Variants in NALF1 observed in about 807,000 individuals in gnomAD.
NALF1 encodes NALCN channel auxiliary factor 1, also known as family with sequence similarity 155 member A.
In NALF1, 3 loss-of-function variants were observed where a neutral mutation model predicts 48.4. The ratio of observed to expected loss-of-function variants is 0.06; its 90% confidence interval spans 0.03 to 0.16. The LOEUF is 0.16. NALF1 is among the 10% of genes least tolerant of loss of function. NALF1 has a pLI of 1.00. For synonymous variants in NALF1, 262 were observed against 245.7 expected (o/e 1.07, Z -0.62); for missense variants, 526 against 571.5 (o/e 0.92, Z 0.81).
In NALF1 at chr13:107,615,548, C is replaced by T. The variant is rs113275338; in HGVS notation, c.915+250134G>A. On this transcript the variant is annotated intron_variant, in intron 1 of 2. Transcript: ENST00000375915. ...ATGATGGTGTGCCAAAATATTGATC[C>T]CCTTCGCCTTCAGAGCGAGGTCATA... Among the ~76,000 whole-genome samples the T allele has an allele frequency of 6.7e-3, 1,021 of 152,242 alleles. 8 individuals carry two copies. The highest frequency in any genetic ancestry group is 0.037 in the Middle Eastern group (11 of 294).
intron 1 of NALF1, among the ~76,000 whole-genome samples, chr13:107,573,200 G>C (rs1369761918): frequency 2.0e-5 from 3 of 152,156 alleles, no homozygotes; most frequent in Admixed American, 6.5e-5. Flanking sequence ...TATTAGAACA[G>C]AATTGCTTCC....
chr13:107,237,920 G>T (rs1594083973), intron 1 of NALF1, among the ~76,000 whole-genome samples: 1 of 152,138 alleles, frequency 6.6e-6, no homozygotes, highest in African/African-American at 2.4e-5. Flanking sequence ...CAGAGAGATT[G>T]GTGTTTAATA....
At chr13:107,561,410 T>C (rs910908201) in intron 1 of NALF1, among the ~76,000 whole-genome samples, 1 of 152,318 alleles carries the variant, frequency 6.6e-6, no homozygotes, top group East Asian at 1.9e-4. Context: ...GTTTTTCTTA[T>C]GTTACCTTGT....
intron 1 of NALF1, among the ~76,000 whole-genome samples, chr13:107,829,467 T>G (rs964738547): frequency 6.6e-6 from 1 of 152,110 alleles, no homozygotes; most frequent in African/African-American, 2.4e-5. Flanking sequence ...ATGAAATAAC[T>G]TTTGGATCTC....
chr13:107,373,092 T>C (rs1399149777), intron 1 of NALF1, among the ~76,000 whole-genome samples: 1 of 152,168 alleles, frequency 6.6e-6, no homozygotes, highest in Non-Finnish European at 1.5e-5. Flanking sequence ...AATCATGACA[T>C]GAGCAATTAT....
At chr13:107,220,622 G>A (rs1292362483) in intron 1 of NALF1, among the ~76,000 whole-genome samples, 1 of 152,180 alleles carries the variant, frequency 6.6e-6, no homozygotes, top group Non-Finnish European at 1.5e-5. Context: ...CAGAGGTGTA[G>A]GGCAGGTTAA....
At chr13:107,494,099 A>G (rs1338883295) in intron 1 of NALF1, among the ~76,000 whole-genome samples, 1 of 138,580 alleles carries the variant, frequency 7.2e-6, no homozygotes, top group African/African-American at 3.5e-5. Context: ...ATGATTTGAG[A>G]CTCAATTGTT....
chr13:107,291,488 TA>T (rs777904980), intron 1 of NALF1, among the ~76,000 whole-genome samples: 2 of 29,092 alleles, frequency 6.9e-5, no homozygotes, highest in Non-Finnish European at 9.1e-5. Flanking sequence ...GTAAGGTGTA[TA>T]CAAAAAAAAA....
chr13:107,742,493 G>T (rs1160581575), intron 1 of NALF1, among the ~76,000 whole-genome samples: 2 of 152,140 alleles, frequency 1.3e-5, no homozygotes, highest in Non-Finnish European at 2.9e-5. Context: ...TGCTTTATAA[G>T]GGGCTTTCCC....
chr13:107,279,919 C>T (rs1173734992), intron 1 of NALF1, among the ~76,000 whole-genome samples: 1 of 152,090 alleles, frequency 6.6e-6, no homozygotes, highest in Non-Finnish European at 1.5e-5. Flanking sequence ...ATTGCATTTG[C>T]TCAATCCTTT....
intron 1 of NALF1, among the ~76,000 whole-genome samples, chr13:107,809,433 T>A (rs900621261): frequency 6.6e-6 from 1 of 152,080 alleles, no homozygotes; most frequent in African/African-American, 2.4e-5. Flanking sequence ...CAATATCCAA[T>A]GTGAAGGCAT....
At chr13:107,556,727 C>G (rs1029896343) in intron 1 of NALF1, among the ~76,000 whole-genome samples, 4 of 152,048 alleles carry the variant, frequency 2.6e-5, no homozygotes, top group Non-Finnish European at 4.4e-5. Context: ...CTCAGGTGAT[C>G]CACCCGACTC....
intron 2 of NALF1, among the ~76,000 whole-genome samples, chr13:107,204,556 T>C (rs886796843): frequency 6.6e-6 from 1 of 152,236 alleles, no homozygotes; most frequent in African/African-American, 2.4e-5. Context: ...TTTATGAATA[T>C]AGAATTCAGA....
At chr13:107,646,643 ATG>A (rs1433902582) in intron 1 of NALF1, among the ~76,000 whole-genome samples, 10 of 152,116 alleles carry the variant, frequency 6.6e-5, no homozygotes, top group Admixed American at 2.0e-4. Flanking sequence ...CTGTATAATA[ATG>A]TGTTTGATTT....
At chr13:107,800,661 T>C (rs977415100) in intron 1 of NALF1, among the ~76,000 whole-genome samples, 3 of 147,356 alleles carry the variant, frequency 2.0e-5, no homozygotes, top group African/African-American at 7.4e-5. Flanking sequence ...TAATATATAA[T>C]ACATCATATT....
At chr13:107,353,985 C>A (rs1351362709) in intron 1 of NALF1, among the ~76,000 whole-genome samples, 2 of 152,182 alleles carry the variant, frequency 1.3e-5, no homozygotes, top group African/African-American at 4.8e-5. Context: ...CTTCTCATAA[C>A]AACCTCAAAC....
At chr13:107,832,474 T>C (rs1189660363) in intron 1 of NALF1, among the ~76,000 whole-genome samples, 4 of 152,136 alleles carry the variant, frequency 2.6e-5, no homozygotes, top group Non-Finnish European at 5.9e-5. Flanking sequence ...AATGAAGATT[T>C]GCTAACCCCA....
intron 1 of NALF1, among the ~76,000 whole-genome samples, chr13:107,576,733 C>G (rs1878163006): frequency 6.6e-6 from 1 of 152,160 alleles, no homozygotes; most frequent in South Asian, 2.1e-4. Context: ...AAAAGAATCA[C>G]TGGCACAATA....
chr13:107,259,986 T>G (rs965518924), intron 1 of NALF1, among the ~76,000 whole-genome samples: 24 of 152,212 alleles, frequency 1.6e-4, no homozygotes, highest in African/African-American at 5.5e-4. Flanking sequence ...CAATAAAGAT[T>G]TTCTTCATGA....
Sources: allele counts gnomAD v4.1 joint callset (sites outside exome capture counted in the v4.1 genomes callset), GRCh38; gene constraint gnomAD v4.1.1; transcripts MANE v1.5; gene names NCBI Gene and HGNC (gene_info 2026-07-23, HGNC 2026-07-21).